The following SPATA22 variants were observed in gnomAD, a reference collection of about 807,000 sequenced individuals.
The protein encoded by SPATA22 is spermatogenesis-associated protein 22.
Under a neutral mutation model 47.8 loss-of-function variants are expected in SPATA22, and 29 were observed. The observed-to-expected ratio is 0.61, with a 90% CI of 0.45 to 0.83. The LOEUF is 0.83. SPATA22 is among the 40% of genes least tolerant of loss of function. SPATA22 has a pLI of 0.00. For missense variants in SPATA22, 410 were observed against 421.7 expected (o/e 0.97, Z 0.24); for synonymous variants, 133 against 140.9 (o/e 0.94, Z 0.40).
chr17:3,454,569 G>A (rs571512459), intron 5 of SPATA22, among the ~76,000 whole-genome samples: 15 of 151,728 alleles, frequency 9.9e-5, no homozygotes, highest in South Asian at 6.2e-4. Flanking sequence ...TTGTCCTTGC[G>A]ATAGTTTACT....
intron 1 of SPATA22, among the ~76,000 whole-genome samples, chr17:3,505,655 G>A (rs146609240): frequency 2.2e-3 from 329 of 152,338 alleles, no homozygotes; most frequent in Non-Finnish European, 3.6e-3. Context: ...CAGGGCAGCA[G>A]GACCAGGGAG....
upstream of SPATA22, among the ~76,000 whole-genome samples, chr17:3,473,385 C>T (rs2073476142): frequency 6.6e-6 from 1 of 152,196 alleles, no homozygotes; most frequent in African/African-American, 2.4e-5. Flanking sequence ...TTCTTATCCC[C>T]CAGTCATACC....
At chr17:3,493,287 G>A (rs2073853786) in intron 1 of SPATA22, among the ~76,000 whole-genome samples, 1 of 152,172 alleles carries the variant, frequency 6.6e-6, no homozygotes. Context: ...AAGAGGCTGG[G>A]CATGGTGGCT....
At chr17:3,476,116 C>G, upstream of SPATA22, 2 of 1,557,642 alleles carry the variant, frequency 1.3e-6, no homozygotes, top group Non-Finnish European at 1.8e-6. Flanking sequence ...TTCCTTTGAT[C>G]TCTCTTCTGA....
Position 3,449,158 on chromosome 17 carries a change from G to T in SPATA22, c.330-9C>A. On this transcript the variant is annotated splice_polypyrimidine_tract_variant and intron_variant, in intron 5 of 8. Coordinates refer to ENST00000572969, the MANE Select transcript of SPATA22 (RefSeq NM_001170698.2). ...TGTTACCATCTCTGTAGCTGTAATA[G>T]TGCAAAAAAAAAGCATTTGTTTCTA... 1 of 1,507,418 alleles carries T rather than the reference G, an allele frequency of 6.6e-7. No homozygotes were observed. Among genetic ancestry groups the T allele is most frequent in the Non-Finnish European group, 8.9e-7 (1 of 1,125,178 alleles). The allele number at this position is 1,507,418 out of a possible 1,614,324, so 93.4% of individuals were successfully genotyped here.
chr17:3,494,535 G>A, intron 1 of SPATA22: 1 of 1,244,672 alleles, frequency 8.0e-7, no homozygotes, highest in Non-Finnish European at 1.2e-6. Flanking sequence ...AGCTCATACA[G>A]CACTTCGCGT....
chr17:3,457,532 T>C (rs984585465), intron 5 of SPATA22, among the ~76,000 whole-genome samples: 3 of 152,034 alleles, frequency 2.0e-5, no homozygotes, highest in African/African-American at 7.2e-5. Flanking sequence ...AAAACAATCT[T>C]GAGAAAGAAT....
chr17:3,476,497 C>A, upstream of SPATA22: 5 of 1,073,708 alleles, frequency 4.7e-6, no homozygotes, highest in South Asian at 2.5e-5. Flanking sequence ...TAATTCATGT[C>A]CGTACATGCA....
rs1302555244 is a variant in SPATA22, at chr17:3,440,339, C to T, written c.901-1G>A. 6.7e-7 allele frequency: 1 copy of T among 1,482,622 alleles called. No homozygotes were observed. The highest frequency in any genetic ancestry group is 9.0e-7 in the Non-Finnish European group (1 of 1,110,716). The allele number at this position is 1,482,622 out of a possible 1,614,324, so 91.8% of individuals were successfully genotyped here. On this transcript the variant is annotated splice_acceptor_variant, in intron 8 of 8. Coordinates refer to ENST00000572969, the MANE Select transcript of SPATA22 (RefSeq NM_001170698.2). LOFTEE classifies it high-confidence loss of function. ...TAATCAGTCTCGGAAGTTCACGATC[C>T]TGTTTTTCAAAAAATAAGTATCAAA...
Position 3,467,388 on chromosome 17 carries a change from G to A in SPATA22, c.172+38C>T, listed in dbSNP as rs375267089. 56 of 1,491,814 alleles carry A rather than the reference G, an allele frequency of 3.8e-5. No individual in the cohort carries two copies. In the African/African-American group the frequency reaches 7.5e-4, roughly 20 times the overall value. The allele number at this position is 1,491,814 out of a possible 1,614,324, so 92.4% of individuals were successfully genotyped here. ...TACAATTTTCTATAATCCTAGTTTT[G>A]TATTTCCTGAAAATTTTTACCTTAT... On this transcript the variant is annotated intron_variant, in intron 3 of 8. Coordinates refer to ENST00000572969, the MANE Select transcript of SPATA22 (RefSeq NM_001170698.2).
At chr17:3,462,911 G>A in intron 3 of SPATA22, 144 bp from the exon 4 acceptor site, 1 of 645,336 alleles carries the variant, frequency 1.5e-6, no homozygotes, top group Non-Finnish European at 2.8e-6. Flanking sequence ...AGTACTTGTT[G>A]GAAAACCTGT....
chr17:3,484,915 T>C (rs2073693273), intron 1 of SPATA22, among the ~76,000 whole-genome samples: 1 of 152,222 alleles, frequency 6.6e-6, no homozygotes, highest in Admixed American at 6.5e-5. Flanking sequence ...CTCTGTTCCC[T>C]ATCCCCTTCT....
rs771374457 is a variant in SPATA22, at chr17:3,448,909, C to T, written c.570G>A (p.Gly190=). The change falls in exon 6 of 9, where the codon GGG becomes GGA. Residue 190 remains glycine (G), a synonymous_variant. Coordinates refer to ENST00000572969, the MANE Select transcript of SPATA22 (RefSeq NM_001170698.2). ...TCTGTAGTGCACTGTTTTTGTCTAG[C>T]CCTCTCATTGTGCAGCCAGATATTT... The part of the protein sequence containing the change: ...SSKISGCTMR[G]LDKNSALQTL... 1 of 1,613,900 alleles carries T rather than the reference C, an allele frequency of 6.2e-7. No individual in the cohort carries two copies. The highest frequency in any genetic ancestry group is 1.1e-5 in the South Asian group (1 of 91,074).
At chr17:3,475,871 C>A, upstream of SPATA22, 1 of 433,106 alleles carries the variant, frequency 2.3e-6, no homozygotes, top group Non-Finnish European at 4.2e-6. Flanking sequence ...GTATTTAGAT[C>A]TACTGACCAT....
chr17:3,501,076 G>A (rs538719633), intron 1 of SPATA22: 3 of 152,110 alleles, frequency 2.0e-5, no homozygotes, highest in South Asian at 2.1e-4. Flanking sequence ...ACATCCAGCC[G>A]AAGCCCATGG....
At chr17:3,454,319 CTTTAAG>C (rs1161250343) in intron 5 of SPATA22, among the ~76,000 whole-genome samples, 1 of 150,438 alleles carries the variant, frequency 6.6e-6, no homozygotes, top group Non-Finnish European at 1.5e-5. Flanking sequence ...TATTATTATA[CTTTAAG>C]TTTTAGGGTA....
chr17:3,449,772 A>C (rs1463907042), intron 5 of SPATA22, among the ~76,000 whole-genome samples: 1 of 152,218 alleles, frequency 6.6e-6, no homozygotes, highest in Non-Finnish European at 1.5e-5. Flanking sequence ...CTAGATGCTA[A>C]TGAGGCCAAA....
At chr17:3,470,323 A>G (rs966356149) in intron 1 of SPATA22, among the ~76,000 whole-genome samples, 8 of 152,220 alleles carry the variant, frequency 5.3e-5, no homozygotes, top group African/African-American at 1.2e-4. Context: ...GAGGCAAGAT[A>G]CAAACCCAAA....
At chr17:3,443,390 T>C (rs1397047225) in intron 7 of SPATA22, 119 bp from the exon 8 acceptor site, 1 of 613,354 alleles carries the variant, frequency 1.6e-6, no homozygotes, top group East Asian at 3.1e-5. Flanking sequence ...GCTATTTATA[T>C]AGCAATAAAG....
Sources: gnomAD v4.1 joint callset for allele counts (sites outside exome capture counted in the v4.1 genomes callset) on GRCh38, gnomAD v4.1.1 for gene constraint, MANE v1.5 for transcripts, NCBI Gene and HGNC (gene_info 2026-07-23, HGNC 2026-07-21) for gene names.